The following CDH12 variants were observed in gnomAD, a reference collection of about 807,000 sequenced individuals.
CDH12 encodes the protein cadherin 12.
A neutral mutation model predicts 74.1 loss-of-function variants in CDH12; 41 were observed. The ratio of observed to expected loss-of-function variants is 0.55; its 90% CI spans 0.43 to 0.72. The LOEUF is 0.72. CDH12 is among the 30% of genes least tolerant of loss of function. CDH12 has a pLI of 0.00. For synonymous variants in CDH12, 399 were observed against 355.0 expected (o/e 1.12, Z -1.39); for missense variants, 945 against 977.2 (o/e 0.97, Z 0.44).
chr5:22,681,686 A>G (rs1370882047), intron 1 of CDH12, among the ~76,000 whole-genome samples: 1 of 152,124 alleles, frequency 6.6e-6, no homozygotes, highest in Non-Finnish European at 1.5e-5. Flanking sequence ...AAAGGAATAC[A>G]AATGTATTTC....
At chr5:22,588,656 A>G (rs1395120591) in intron 1 of CDH12, among the ~76,000 whole-genome samples, 1 of 152,240 alleles carries the variant, frequency 6.6e-6, no homozygotes, top group East Asian at 1.9e-4. Context: ...AGTCAATAAA[A>G]TAGATAAAAA....
At chr5:21,859,607 A>C (rs1387048579) in intron 6 of CDH12, among the ~76,000 whole-genome samples, 1 of 151,852 alleles carries the variant, frequency 6.6e-6, no homozygotes, top group Non-Finnish European at 1.5e-5. Flanking sequence ...TCCACTAGCA[A>C]ACTTCTTGCT....
intron 2 of CDH12, among the ~76,000 whole-genome samples, chr5:22,439,681 C>T (rs1004526853): frequency 6.6e-6 from 1 of 152,032 alleles, no homozygotes; most frequent in Non-Finnish European, 1.5e-5. Context: ...CAATTGTGTA[C>T]ATCAAGGAAG....
intron 2 of CDH12, among the ~76,000 whole-genome samples, chr5:22,487,833 G>A (rs573698054): frequency 4.6e-5 from 7 of 152,290 alleles, no homozygotes; most frequent in African/African-American, 1.4e-4. Flanking sequence ...GTGAGCAACT[G>A]AGAACTGTGC....
In CDH12 at chr5:22,468,245, A is replaced by G. The variant is rs79266080; in HGVS notation, c.-428+37025T>C. 2.8e-4 allele frequency among the ~76,000 whole-genome samples: 42 copies of G among 152,348 alleles called. 1 individual carries two copies. The East Asian group carries it at 7.7e-3, about 28-fold the overall frequency. Reference sequence around the variant, plus strand: ...ATTCAACCTGTGTGATTTTGTCACCATATAACCATCCTTACACAAAGAGAA... The same window carrying G: ...ATTCAACCTGTGTGATTTTGTCACCGTATAACCATCCTTACACAAAGAGAA... On this transcript the variant is annotated intron_variant, in intron 2 of 14. Coordinates refer to ENST00000382254, the MANE Select transcript of CDH12 (RefSeq NM_004061.5).
chr5:22,811,776 G>A (rs1025225307), intron 1 of CDH12, among the ~76,000 whole-genome samples: 1 of 152,034 alleles, frequency 6.6e-6, no homozygotes. Context: ...AGAGAGAAAC[G>A]GCTAAAACTC....
chr5:22,778,441 T>C (rs1008587954), intron 1 of CDH12, among the ~76,000 whole-genome samples: 2 of 152,126 alleles, frequency 1.3e-5, no homozygotes, highest in African/African-American at 4.8e-5. Flanking sequence ...TATACATATC[T>C]CCCACTGTTT....
Position 22,452,897 on chromosome 5 carries a change from A to AT in CDH12, c.-427-47547_-427-47546insA, listed in dbSNP as rs1275898375. 2.3e-3 allele frequency among the ~76,000 whole-genome samples: 334 copies of AT among 146,520 alleles called. 1 individual carries two copies. Among genetic ancestry groups the AT allele is most frequent in the Middle Eastern group, 7.4e-3 (2 of 272 alleles). The stretch of plus-strand genomic sequence containing the variant: ...CCTAAGAGCAAAAAAAAAAAAAAAA[A>AT]AAAAAAATGAGTTAAAAGTGGACCA... On this transcript the variant is annotated intron_variant, in intron 2 of 14. Transcript: ENST00000382254.
intron 1 of CDH12, among the ~76,000 whole-genome samples, chr5:22,760,205 A>C (rs991924522): frequency 6.6e-6 from 1 of 152,226 alleles, no homozygotes; most frequent in African/African-American, 2.4e-5. Context: ...TTGACAGCTG[A>C]CATGTTTCTA....
chr5:21,881,149 T>A (rs1752335533), intron 6 of CDH12, among the ~76,000 whole-genome samples: 1 of 152,100 alleles, frequency 6.6e-6, no homozygotes, highest in Admixed American at 6.5e-5. Flanking sequence ...GAAAAAAAAC[T>A]GCTGAAATGT....
At chr5:21,808,388 A>T (rs1250688996) in intron 9 of CDH12, among the ~76,000 whole-genome samples, 2 of 151,710 alleles carry the variant, frequency 1.3e-5, no homozygotes, top group Non-Finnish European at 2.9e-5. Context: ...ATTTTTACCA[A>T]CACAGTAAAG....
At chr5:21,907,822 C>T (rs1158229531) in intron 6 of CDH12, among the ~76,000 whole-genome samples, 1 of 152,144 alleles carries the variant, frequency 6.6e-6, no homozygotes. Context: ...TGGTCTACCC[C>T]GATACACTGA....
intron 6 of CDH12, chr5:21,883,248 G>T: frequency 7.4e-7 from 1 of 1,355,300 alleles, no homozygotes; most frequent in South Asian, 1.2e-5. Flanking sequence ...CATGAAGTTT[G>T]ATTGAGGGTA....
intron 5 of CDH12, among the ~76,000 whole-genome samples, chr5:22,066,163 T>A (rs4635910): frequency 0.37 from 56,442 of 151,974 alleles, 11,560 homozygotes; most frequent in Non-Finnish European, 0.45. Flanking sequence ...TAATTTTTTT[T>A]AATTTTTTAT....
At chr5:22,571,836 C>T (rs1232923954) in intron 1 of CDH12, among the ~76,000 whole-genome samples, 1 of 152,076 alleles carries the variant, frequency 6.6e-6, no homozygotes, top group African/African-American at 2.4e-5. Context: ...TTAAGTTTGC[C>T]ATACCGTGGG....
chr5:22,797,993 T>C (rs1748315362), intron 1 of CDH12, among the ~76,000 whole-genome samples: 1 of 152,198 alleles, frequency 6.6e-6, no homozygotes, highest in African/African-American at 2.4e-5. Flanking sequence ...GAACATTTTC[T>C]CACCAGCTTT....
At chr5:22,537,549 C>T (rs1381777114) in intron 1 of CDH12, among the ~76,000 whole-genome samples, 1 of 152,084 alleles carries the variant, frequency 6.6e-6, no homozygotes. Flanking sequence ...CCAAACCCCT[C>T]CCCAACCAAA....
At chr5:22,725,410 A>G (rs557694552) in intron 1 of CDH12, among the ~76,000 whole-genome samples, 1 of 151,966 alleles carries the variant, frequency 6.6e-6, no homozygotes, top group Non-Finnish European at 1.5e-5. Flanking sequence ...ATCTAGCTCA[A>G]TCTCTTTTAT....
intron 6 of CDH12, among the ~76,000 whole-genome samples, chr5:21,963,631 C>T (rs1756457775): frequency 1.3e-5 from 2 of 152,042 alleles, no homozygotes; most frequent in South Asian, 4.1e-4. Flanking sequence ...TCCAATAATT[C>T]TATTACGGCC....
Sources: allele counts gnomAD v4.1 joint callset (sites outside exome capture counted in the v4.1 genomes callset), GRCh38; gene constraint gnomAD v4.1.1; transcripts MANE v1.5; gene names NCBI Gene and HGNC (gene_info 2026-07-23, HGNC 2026-07-21).